The following MCU variants were observed in gnomAD, a reference collection of about 807,000 sequenced individuals.
MCU encodes mitochondrial calcium uniporter.
In MCU, 12 loss-of-function variants were observed where a neutral mutation model predicts 45.2. The ratio of observed to expected loss-of-function variants is 0.27; its 90% CI spans 0.17 to 0.43. The LOEUF is 0.43. Ranked by LOEUF, MCU falls within the 20% of genes least tolerant of loss-of-function variation. The pLI is 1.00. For synonymous variants in MCU, 160 were observed against 165.1 expected (o/e 0.97, Z 0.24); for missense variants, 324 against 436.7 (o/e 0.74, Z 2.30).
chr10:72,859,081 C>T, intron 2 of MCU, 96 bp from the exon 3 acceptor site: 4 of 1,173,758 alleles, frequency 3.4e-6, no homozygotes, highest in Non-Finnish European at 4.8e-6. Flanking sequence ...TTTTAAATCA[C>T]ACTAATAATA....
intron 6 of MCU, among the ~76,000 whole-genome samples, chr10:72,875,488 T>G (rs1845604144): frequency 6.6e-6 from 1 of 152,160 alleles, no homozygotes; most frequent in Non-Finnish European, 1.5e-5. Flanking sequence ...AGTAAATAAT[T>G]TAGTCACTAT....
intron 1 of MCU, among the ~76,000 whole-genome samples, chr10:72,702,876 G>A (rs1842775036): frequency 6.6e-6 from 1 of 152,088 alleles, no homozygotes; most frequent in South Asian, 2.1e-4. Flanking sequence ...CTACTCAGGA[G>A]GCTGAGGCAG....
chr10:72,719,874 A>G (rs1448678936), intron 1 of MCU, among the ~76,000 whole-genome samples: 1 of 152,136 alleles, frequency 6.6e-6, no homozygotes, highest in African/African-American at 2.4e-5. Flanking sequence ...CCCATTAACC[A>G]TTGCCACTTC....
chr10:72,876,732 TC>T (rs914846549), intron 6 of MCU, among the ~76,000 whole-genome samples: 2 of 152,164 alleles, frequency 1.3e-5, no homozygotes, highest in African/African-American at 2.4e-5. Context: ...TCCATCAAAT[TC>T]CAAGAAGAGG....
intron 2 of MCU, among the ~76,000 whole-genome samples, chr10:72,834,832 G>A (rs572826046): frequency 1.3e-5 from 2 of 151,980 alleles, no homozygotes; most frequent in Admixed American, 1.3e-4. Context: ...ACTAATTTTT[G>A]TATTTTTTGT....
chr10:72,709,952 GAACTTT>G (rs1842869084), intron 1 of MCU, among the ~76,000 whole-genome samples: 3 of 152,142 alleles, frequency 2.0e-5, no homozygotes, highest in Non-Finnish European at 4.4e-5. Context: ...AAAGTTGGGT[GAACTTT>G]AAATACATAA....
chr10:72,760,062 T>G (rs373338675), intron 1 of MCU, among the ~76,000 whole-genome samples: 1 of 140,794 alleles, frequency 7.1e-6, no homozygotes, highest in East Asian at 2.0e-4. Flanking sequence ...TTTTTTTTTT[T>G]GAGACAGAGT....
At chr10:72,840,126 AG>A (rs1293772569) in intron 2 of MCU, among the ~76,000 whole-genome samples, 1 of 152,220 alleles carries the variant, frequency 6.6e-6, no homozygotes, top group Non-Finnish European at 1.5e-5. Flanking sequence ...TGTTTTCCAA[AG>A]TGACTGTACC....
At chr10:72,868,959 C>T in intron 5 of MCU, 96 bp downstream of exon 5, 1 of 1,271,726 alleles carries the variant, frequency 7.9e-7, no homozygotes, top group South Asian at 1.5e-5. Context: ...GCAATTGAGT[C>T]ATGTCAATCA....
At chr10:72,801,353 CTTTTTT>C (rs200952818) in intron 1 of MCU, among the ~76,000 whole-genome samples, 1 of 100,412 alleles carries the variant, frequency 1.0e-5, no homozygotes. Flanking sequence ...ATAATGCTTT[CTTTTTT>C]TTTTTTTTTT....
intron 1 of MCU, among the ~76,000 whole-genome samples, chr10:72,778,215 A>G (rs543233423): frequency 1.1e-3 from 168 of 152,340 alleles, no homozygotes; most frequent in African/African-American, 4.0e-3. Flanking sequence ...TTTAAGGGTT[A>G]TCTGCACTCC....
chr10:72,712,215 T>G (rs1354220846), intron 1 of MCU: 4 of 152,202 alleles, frequency 2.6e-5, no homozygotes, highest in Admixed American at 2.0e-4. Flanking sequence ...ATTTTTAAAG[T>G]TAGACTAGGA....
chr10:72,740,207 C>T (rs765886063), intron 1 of MCU, among the ~76,000 whole-genome samples: 2 of 151,690 alleles, frequency 1.3e-5, no homozygotes, highest in Admixed American at 6.6e-5. Flanking sequence ...GATGAAACCT[C>T]GTCTCTGCTA....
chr10:72,841,366 C>T (rs975677088), intron 2 of MCU, among the ~76,000 whole-genome samples: 1 of 152,072 alleles, frequency 6.6e-6, no homozygotes, highest in East Asian at 1.9e-4. Flanking sequence ...CAATGGCACT[C>T]AGCTCACTGC....
intron 1 of MCU, among the ~76,000 whole-genome samples, chr10:72,765,984 A>G (rs1564550520): frequency 6.6e-6 from 1 of 151,982 alleles, no homozygotes; most frequent in Admixed American, 6.6e-5. Flanking sequence ...TTCTTGACTC[A>G]GCCTCTTGAG....
chr10:72,885,748 G>T lies in MCU; in HGVS notation c.982G>T (p.Glu328Ter). Reference protein sequence around the residue: ...NQLKDAIAQAEMDLKRLRDPL... With the variant: ...NQLKDAIAQA ...TCACCTTTTGTTTCTATTTTAGGCA[G>T]AAATGGACCTTAAGAGACTGAGAGA... is the stretch of plus-strand genomic sequence containing the variant. The change falls in exon 8 of 8, where the codon GAA becomes TAA. Residue 328 changes from glutamate (E) to a stop codon, truncating the protein, a stop_gained. Transcript: ENST00000373053. LOFTEE classifies it high-confidence loss of function. 1 of 1,611,966 alleles carries T rather than the reference G, an allele frequency of 6.2e-7. No individual in the cohort carries two copies. Among genetic ancestry groups the T allele is most frequent in the Non-Finnish European group, 8.5e-7 (1 of 1,178,412 alleles).
chr10:72,808,480 T>C (rs1446405842), intron 1 of MCU, among the ~76,000 whole-genome samples: 1 of 152,198 alleles, frequency 6.6e-6, no homozygotes, highest in African/African-American at 2.4e-5. Flanking sequence ...ACATAGCCAT[T>C]AGAGGAAAGG....
chr10:72,877,376 T>A (rs1011302917), intron 6 of MCU, among the ~76,000 whole-genome samples: 4 of 152,216 alleles, frequency 2.6e-5, no homozygotes, highest in Non-Finnish European at 5.9e-5. Context: ...GCATGTTAGA[T>A]GAATGTAGAG....
chr10:72,741,113 T>A (rs75822295), intron 1 of MCU, among the ~76,000 whole-genome samples: 1 of 150,704 alleles, frequency 6.6e-6, no homozygotes, highest in African/African-American at 2.4e-5. Context: ...TTTTTTTTTT[T>A]TTGTGTGACG....
Sources: gnomAD v4.1 joint callset for allele counts (sites outside exome capture counted in the v4.1 genomes callset) on GRCh38, gnomAD v4.1.1 for gene constraint, MANE v1.5 for transcripts, NCBI Gene and HGNC (gene_info 2026-07-23, HGNC 2026-07-21) for gene names.